Variants in CASKIN1 observed in about 807,000 individuals in gnomAD.
CASKIN1 encodes CASK interacting protein 1, also known as caskin-1.
CASKIN1 carries 42 observed loss-of-function variants against 117.5 expected under a neutral mutation model. The observed-to-expected ratio is 0.36, with a 90% CI of 0.28 to 0.46. The LOEUF (loss-of-function observed/expected upper bound fraction) is 0.46, where lower values mean the gene tolerates loss of function less well. Among genes scored for constraint, CASKIN1 ranks in the 20% least tolerant of loss-of-function variants. The probability of loss-of-function intolerance (pLI) is 1.00; values close to 1 mark genes in which losing one functional copy is unlikely to be tolerated. For synonymous variants in CASKIN1, 1,148 were observed against 961.7 expected, an observed-to-expected ratio of 1.19 and a Z score of -3.59; for missense variants, 2,083 against 2,077.3, an observed-to-expected ratio of 1.00 and a Z score of -0.05.
At chr16:2,190,589 G>T (rs1367440331) in intron 1 of CASKIN1, among the ~76,000 whole-genome samples, 2 of 152,198 alleles carry the variant, frequency 1.3e-5, no homozygotes, top group African/African-American at 2.4e-5. Flanking sequence ...AGATGTGGGG[G>T]TTCACAGTAC....
At chr16:2,188,871 A>C in intron 6 of CASKIN1, 156 bp downstream of exon 6, 2 of 1,057,682 alleles carry the variant, frequency 1.9e-6, no homozygotes, top group Non-Finnish European at 2.7e-6. Context: ...CATCCTGTAC[A>C]TGGGCCCTGG....
At position 2,184,841 on chromosome 16, in the gene CASKIN1, G is replaced by C. The variant is rs758904143; in HGVS notation, c.1352C>G (p.Ala451Gly). The C allele has an allele frequency of 4.5e-6, 7 of 1,559,966 alleles. No homozygotes were observed. The South Asian group carries it at 7.1e-5, about 16-fold the overall frequency. ...CTCCCCATAGACCTGCCCGGCGTGG[G>C]CCACTGGAGGCTGGGACCGGGCCAC... The part of the protein sequence containing the change: ...AGVARSQPPV[A>G]HAGQVYGEQP... The change falls in exon 14 of 20, where the codon GCC becomes GGC. Residue 451 changes from alanine to glycine, a missense_variant. Physicochemically the swap from Ala to Gly is moderately conservative, Grantham distance 60 (BLOSUM62 0). This residue lies in a region of CASKIN1 where 1,818 missense variants were observed against 1,688.9 expected (regional missense o/e 1.08). Transcript: ENST00000343516.
rs766584445 is a variant in CASKIN1, at chr16:2,178,904, C to T, written c.4197G>A (p.Pro1399=). 1 of 1,464,126 alleles carries T rather than the reference C, an allele frequency of 6.8e-7. No individual in the cohort carries two copies. Among genetic ancestry groups the T allele is most frequent in the Non-Finnish European group, 8.9e-7 (1 of 1,117,662 alleles). The allele number at this position is 1,464,126 out of a possible 1,614,324, so 90.7% of individuals were successfully genotyped here. ...GCCAGGCCCCGCCCCGCACCTACCG[C>T]GGGCCCTGCGCGTCCTCCTGCCGGA... The part of the protein sequence containing the change: ...EKIRQEDAQG[P]RDSAAEKSTG... Residue 1399 remains proline (P), a splice_region_variant and synonymous_variant, in exon 19 of 20, where the codon CCG becomes CCA. Transcript: ENST00000343516.
chr16:2,188,777 G>A, intron 6 of CASKIN1: 1 of 508,476 alleles, frequency 2.0e-6, no homozygotes, highest in Non-Finnish European at 3.5e-6. Context: ...GCTCAGGGAA[G>A]TTCAGCACCT....
chr16:2,179,931 T>C lies in CASKIN1; in HGVS notation c.3437A>G (p.Asp1146Gly), dbSNP rs773884570. 1 of 1,605,514 alleles carries C rather than the reference T, an allele frequency of 6.2e-7. No homozygotes were observed. The highest frequency in any genetic ancestry group is 8.5e-7 in the Non-Finnish European group (1 of 1,176,674). ...GGCCTTGGGCCTGCGCTTGACCGTGTCAGACTCGGTCAGGATGAACTTGAC... is the reference window on the plus strand; with the variant it reads ...GGCCTTGGGCCTGCGCTTGACCGTGCCAGACTCGGTCAGGATGAACTTGAC... The part of the protein sequence containing the change: ...ENVKFILTES[D>G]TVKRRPKAKE... The change falls in exon 18 of 20, where the codon GAC becomes GGC. Residue 1146 changes from aspartate to glycine, a missense_variant. Coordinates refer to ENST00000343516, the MANE Select transcript of CASKIN1 (RefSeq NM_020764.4). The surrounding 1 kb of genome is among the most constrained non-coding windows in gnomAD (Gnocchi z 5.8).
At position 2,181,146 on chromosome 16, in the gene CASKIN1, TC is replaced by T; in HGVS notation, c.2221del (p.Glu741ArgfsTer64). 2 of 1,487,980 alleles carry T rather than the reference TC, an allele frequency of 1.3e-6. No individual in the cohort carries two copies. The allele number at this position is 1,487,980 out of a possible 1,614,324, so 92.2% of individuals were successfully genotyped here. On this transcript the variant is annotated frameshift_variant, in exon 18 of 20. Transcript: ENST00000343516. LOFTEE classifies it high-confidence loss of function. ...EGPAPGTPPREARPGRHGHSI... is the reference protein window; with the variant it reads ...EGPAPGTPPRXARPGRHGHSI... ...GTGGCCGTGGCGGCCGGGCCGGGCC[TC>T]CCTGGGCGGGGTGCCGGGGGCGGGG...
Position 2,179,691 on chromosome 16 carries a change from A to T in CASKIN1, c.3677T>A (p.Val1226Asp), listed in dbSNP as rs2093159959. The change falls in exon 18 of 20, where the codon GTC becomes GAC. Residue 1226 changes from valine to aspartate, a missense_variant. Transcript: ENST00000343516. This position sits in a 1 kb window ranked among gnomAD's most constrained non-coding sequence, Gnocchi z 5.8. Reference protein sequence around the residue: ...GEARKPAKPPVSPKPVLTQPV... With the variant: ...GEARKPAKPPDSPKPVLTQPV... ...CTGCGTCAGGACGGGCTTGGGAGAG[A>T]CAGGCGGCTTGGCCGGCTTCCGGGC... 1 of 1,525,800 alleles carries T rather than the reference A, an allele frequency of 6.6e-7. No individual in the cohort carries two copies. Among genetic ancestry groups the T allele is most frequent in the African/African-American group, 1.4e-5 (1 of 72,174 alleles). The allele number at this position is 1,525,800 out of a possible 1,614,324, so 94.5% of individuals were successfully genotyped here. A position where few individuals can be genotyped will look rare whatever the true frequency, so the allele number is the denominator to read the frequency against.
intron 1 of CASKIN1, among the ~76,000 whole-genome samples, chr16:2,192,240 A>T (rs2093203302): frequency 6.6e-6 from 1 of 151,914 alleles, no homozygotes; most frequent in South Asian, 2.1e-4. Flanking sequence ...TTGAAGCTGC[A>T]GTGAGCCGGG....
intron 1 of CASKIN1, among the ~76,000 whole-genome samples, chr16:2,192,294 C>T (rs1359591869): frequency 6.6e-6 from 1 of 151,214 alleles, no homozygotes; most frequent in Non-Finnish European, 1.5e-5. Context: ...CAGAGCAAGA[C>T]CCTGTCTCAA....
intron 14 of CASKIN1, among the ~76,000 whole-genome samples, chr16:2,184,504 G>C (rs1210282986): frequency 6.6e-6 from 1 of 152,040 alleles, no homozygotes; most frequent in Non-Finnish European, 1.5e-5. Context: ...ACAGACACGC[G>C]TGCCCAGCTC....
Position 2,185,344 on chromosome 16 carries a change from G to C in CASKIN1, c.1113C>G (p.Pro371=), listed in dbSNP as rs766151370. Residue 371 remains proline (P), a synonymous_variant, in exon 11 of 20, where the codon CCC becomes CCG. Coordinates refer to ENST00000343516, the MANE Select transcript of CASKIN1 (RefSeq NM_020764.4). Reference sequence around the variant, plus strand: ...TCCTCAGCACCCAGATCTCCTCTGGGGGTGCAGAGGGTCCCGATGAGCTGC... The same window carrying C: ...TCCTCAGCACCCAGATCTCCTCTGGCGGTGCAGAGGGTCCCGATGAGCTGC... ...QGSSSSGPSA[P]PEEIWVLRKP... The C allele has an allele frequency of 8.7e-6, 14 of 1,610,788 alleles. No individual in the cohort carries two copies. The highest frequency in any genetic ancestry group is 1.7e-5 in the Admixed American group (1 of 59,788).
At position 2,196,443 on chromosome 16, in the gene CASKIN1, G is replaced by C. The variant is rs2093216452; in HGVS notation, c.-11C>G. On this transcript the variant is annotated 5_prime_UTR_variant, in exon 1 of 20. Transcript: ENST00000343516. This position sits in a 1 kb window ranked among gnomAD's most constrained non-coding sequence, Gnocchi z 5.7. ...CTGCTCCTTCCCCATGGCGCGGCCGGGGCCGCAGCGACGCGGCTGCGCTCG... is the reference window on the plus strand; with the variant it reads ...CTGCTCCTTCCCCATGGCGCGGCCGCGGCCGCAGCGACGCGGCTGCGCTCG... 3.2e-6 allele frequency: 4 copies of C among 1,241,320 alleles called. No individual in the cohort carries two copies. The highest frequency in any genetic ancestry group is 4.1e-6 in the Non-Finnish European group (4 of 978,148). 76.9% of individuals were successfully genotyped at this position (1,241,320 alleles called of 1,614,324 possible).
In CASKIN1 at chr16:2,196,176, G is replaced by A. The variant is rs2093215415; in HGVS notation, c.94+163C>T. ...GGCCGCCCCATCTCCAGTGCTGGGG[G>A]CAGCGGGTGGAGGGCACGGACCAAG... On this transcript the variant is annotated intron_variant, in intron 1 of 19. Coordinates refer to ENST00000343516, the MANE Select transcript of CASKIN1 (RefSeq NM_020764.4). This position sits in a 1 kb window ranked among gnomAD's most constrained non-coding sequence, Gnocchi z 5.7. Among the ~76,000 whole-genome samples the A allele has an allele frequency of 6.6e-6, 1 of 151,828 alleles. No individual in the cohort carries two copies. Among genetic ancestry groups the A allele is most frequent in the Non-Finnish European group, 1.5e-5 (1 of 67,886 alleles).
At chr16:2,183,616 GC>G in intron 16 of CASKIN1, 29 bp downstream of exon 16, 1 of 1,606,786 alleles carries the variant, frequency 6.2e-7, no homozygotes, top group Non-Finnish European at 8.5e-7. Flanking sequence ...CCCGTCCTGG[GC>G]CCAGCCCCTG....
At chr16:2,184,412 G>A (rs987956770) in intron 14 of CASKIN1, among the ~76,000 whole-genome samples, 11 of 152,200 alleles carry the variant, frequency 7.2e-5, no homozygotes, top group South Asian at 2.1e-4. Flanking sequence ...ACAGCTCTCC[G>A]GCACACGAGT....
Position 2,182,134 on chromosome 16 carries a change from TGCGCACACAC to T in CASKIN1, c.1630-215_1630-206del, listed in dbSNP as rs1345683795. Among the ~76,000 whole-genome samples, 1 of 152,086 alleles carries T rather than the reference TGCGCACACAC, an allele frequency of 6.6e-6. No homozygotes were observed. The highest frequency in any genetic ancestry group is 1.5e-5 in the Non-Finnish European group (1 of 68,002). On this transcript the variant is annotated intron_variant, in intron 16 of 19. Coordinates refer to ENST00000343516, the MANE Select transcript of CASKIN1 (RefSeq NM_020764.4). This position sits in a 1 kb window ranked among gnomAD's most constrained non-coding sequence, Gnocchi z 4.1. ...CACTGCATGCCGCATATCGCACACA[TGCGCACACAC>T]GCACGGCTGCCCACATCCACAGGAC...
In CASKIN1 at chr16:2,181,408, C is replaced by T; in HGVS notation, c.1960G>A (p.Asp654Asn). Reference sequence around the variant, plus strand: ...TGCAGCTCGTCACTGAGCTCGCTGTCCTGGAAGGTGGTCATTTTAGGGGAC... The same window carrying T: ...TGCAGCTCGTCACTGAGCTCGCTGTTCTGGAAGGTGGTCATTTTAGGGGAC... Reference protein sequence around the residue: ...CQSPKMTTFQDSELSDELQAA... With the variant: ...CQSPKMTTFQNSELSDELQAA... The change falls in exon 18 of 20, where the codon GAC becomes AAC. Residue 654 changes from aspartate (D) to asparagine (N), a missense_variant. Physicochemically the swap from Asp to Asn is conservative, Grantham distance 23. Around this residue, in one of 3 missense-constraint regions of CASKIN1, gnomAD observed 1,818 missense variants for 1,688.9 expected, o/e 1.08. Coordinates refer to ENST00000343516, the MANE Select transcript of CASKIN1 (RefSeq NM_020764.4). 6.2e-7 allele frequency: 1 copy of T among 1,611,840 alleles called. No homozygotes were observed. The highest frequency in any genetic ancestry group is 8.5e-7 in the Non-Finnish European group (1 of 1,179,702).
At position 2,179,613 on chromosome 16, in the gene CASKIN1, A is replaced by C. The variant is rs1368884177; in HGVS notation, c.3755T>G (p.Leu1252Arg). The C allele has an allele frequency of 2.1e-6, 3 of 1,456,552 alleles. No homozygotes were observed. The highest frequency in any genetic ancestry group is 2.7e-6 in the Non-Finnish European group (3 of 1,110,352). 90.2% of individuals were successfully genotyped at this position (1,456,552 alleles called of 1,614,324 possible). The change falls in exon 18 of 20, where the codon CTG (leucine) becomes CGG (arginine). Residue 1252 changes from leucine to arginine, a missense_variant. Physicochemically the swap from Leu to Arg is moderately radical, Grantham distance 102 (BLOSUM62 -2). This residue lies in a region of CASKIN1 where 1,818 missense variants were observed against 1,688.9 expected (regional missense o/e 1.08). Coordinates refer to ENST00000343516, the MANE Select transcript of CASKIN1 (RefSeq NM_020764.4). The surrounding 1 kb of genome is among the most constrained non-coding windows in gnomAD (Gnocchi z 5.8). Reference sequence around the variant, plus strand: ...CCTACCTGGGCTGCCAGGGCCTGGCAGCGGCACCTTCTTGGAGGTGGGTGT... The same window carrying C: ...CCTACCTGGGCTGCCAGGGCCTGGCCGCGGCACCTTCTTGGAGGTGGGTGT... ...SPTPTSKKVP[L>R]PGPGSPEVKR...
chr16:2,180,389 C>T lies in CASKIN1; in HGVS notation c.2979G>A (p.Val993=), dbSNP rs527463398. The change falls in exon 18 of 20, where the codon GTG becomes GTA. Residue 993 remains valine (V), a synonymous_variant. Transcript: ENST00000343516. ...TCACACTGCCGGCACTACCCGTGTC[C>T]ACGCTGCCGGCCAGGTCACTGGCCC... ...CRRASDLAGS[V]DTGSAGSVKS... The T allele has an allele frequency of 1.2e-4, 190 of 1,584,658 alleles. 1 individual carries two copies. The Middle Eastern group carries it at 1.5e-3, about 13-fold the overall frequency.
Sources: allele counts gnomAD v4.1 joint callset (sites outside exome capture counted in the v4.1 genomes callset), GRCh38; gene constraint gnomAD v4.1.1; regional missense constraint gnomAD v4.1.1; non-coding constraint Gnocchi (gnomAD v3.1); transcripts MANE v1.5; gene names NCBI Gene and HGNC (gene_info 2026-07-23, HGNC 2026-07-21).